Variants in AGBL4 observed in about 807,000 individuals in gnomAD.
The protein encoded by AGBL4 is cytosolic carboxypeptidase 6.
In AGBL4, 58 loss-of-function variants were observed where a neutral mutation model predicts 66.4. That is an observed-to-expected ratio of 0.87 (90% CI 0.71 to 1.09). AGBL4 has a LOEUF of 1.09. Ranked by LOEUF, AGBL4 falls within the 50% of genes least tolerant of loss-of-function variation. AGBL4 has a pLI of 0.00. For missense variants in AGBL4, 579 were observed against 631.0 expected (o/e 0.92, Z 0.88); for synonymous variants, 234 against 222.9 (o/e 1.05, Z -0.44).
At chr1:49,132,075 T>A (rs1248367589) in intron 4 of AGBL4, among the ~76,000 whole-genome samples, 12 of 152,228 alleles carry the variant, frequency 7.9e-5, no homozygotes, top group Admixed American at 7.9e-4. Flanking sequence ...TGCAGAACAT[T>A]AATATTTAGA....
chr1:49,420,700 C>CA lies in AGBL4; in HGVS notation c.283-174837dup, dbSNP rs34864072. The stretch of plus-strand genomic sequence containing the variant: ...TGGGTGACTGAGCGAGACTCCGTCT[C>CA]AAAAAAAAAAAAAAAAGTGCTCTGT... On this transcript the variant is annotated intron_variant, in intron 3 of 13. Transcript: ENST00000371839. Among the ~76,000 whole-genome samples the CA allele has an allele frequency of 6.5e-3, 808 of 124,538 alleles. 4 individuals carry two copies. Among genetic ancestry groups the CA allele is most frequent in the African/African-American group, 0.02 (636 of 32,294 alleles). 81.7% of individuals were successfully genotyped at this position (124,538 alleles called of 152,430 possible).
intron 11 of AGBL4, among the ~76,000 whole-genome samples, chr1:48,568,291 TTCTCTCTC>T (rs151060894): frequency 2.7e-5 from 4 of 148,332 alleles, no homozygotes; most frequent in Admixed American, 6.7e-5. Context: ...AACAACACTC[TTCTCTCTC>T]TCTCTCTCTC....
At chr1:48,607,365 C>A (rs1569982421) in intron 9 of AGBL4, among the ~76,000 whole-genome samples, 1 of 152,062 alleles carries the variant, frequency 6.6e-6, no homozygotes, top group South Asian at 2.1e-4. Flanking sequence ...CTCCTGTAAT[C>A]CCAGCACTTT....
intron 3 of AGBL4, among the ~76,000 whole-genome samples, chr1:49,328,208 T>TA (rs1174590436): frequency 2.0e-5 from 3 of 151,958 alleles, no homozygotes; most frequent in Admixed American, 6.6e-5. Context: ...TGATTAAAAA[T>TA]AAAAAAAGGC....
intron 5 of AGBL4, among the ~76,000 whole-genome samples, chr1:49,033,509 G>A (rs1003154578): frequency 5.3e-5 from 8 of 152,216 alleles, no homozygotes; most frequent in South Asian, 4.1e-4. Context: ...TGAAGTTACC[G>A]TGCTGGTCAG....
At chr1:49,514,612 C>T (rs1364721634) in intron 3 of AGBL4, among the ~76,000 whole-genome samples, 1 of 152,104 alleles carries the variant, frequency 6.6e-6, no homozygotes, top group Non-Finnish European at 1.5e-5. Context: ...AAGCTGGAGG[C>T]ATCACGCTAC....
At chr1:48,535,848 A>G (rs1014026870) in intron 12 of AGBL4, among the ~76,000 whole-genome samples, 1 of 152,072 alleles carries the variant, frequency 6.6e-6, no homozygotes, top group East Asian at 1.9e-4. Flanking sequence ...TTTAGTGTGA[A>G]GGGGTTGAAG....
At chr1:49,156,541 G>A (rs1193099881) in intron 4 of AGBL4, among the ~76,000 whole-genome samples, 1 of 152,050 alleles carries the variant, frequency 6.6e-6, no homozygotes, top group Non-Finnish European at 1.5e-5. Flanking sequence ...AACTTTACTG[G>A]AGCTAGAGGA....
chr1:48,754,732 T>C (rs1452802187), intron 6 of AGBL4, among the ~76,000 whole-genome samples: 1 of 152,146 alleles, frequency 6.6e-6, no homozygotes, highest in Non-Finnish European at 1.5e-5. Context: ...TTGTTTACCA[T>C]GCTAAGATCA....
chr1:48,557,412 C>T (rs1406106977), intron 11 of AGBL4, among the ~76,000 whole-genome samples: 1 of 152,088 alleles, frequency 6.6e-6, no homozygotes, highest in Admixed American at 6.5e-5. Context: ...AAATGTCACA[C>T]ACTCCAGAAG....
chr1:48,550,289 T>C (rs551465168), intron 11 of AGBL4, among the ~76,000 whole-genome samples: 56 of 151,690 alleles, frequency 3.7e-4, no homozygotes, highest in Admixed American at 7.9e-4. Context: ...GGCCAAAATC[T>C]AGGTGTCACA....
At chr1:49,667,227 G>C (rs1646388386) in intron 3 of AGBL4, among the ~76,000 whole-genome samples, 1 of 152,062 alleles carries the variant, frequency 6.6e-6, no homozygotes, top group South Asian at 2.1e-4. Flanking sequence ...GGAAGGCCAA[G>C]GCAGGTAGAT....
intron 4 of AGBL4, among the ~76,000 whole-genome samples, chr1:49,049,192 G>A (rs569535196): frequency 6.6e-6 from 1 of 151,940 alleles, no homozygotes; most frequent in Admixed American, 6.6e-5. Flanking sequence ...TTTTGTGCTC[G>A]ATCTTTCCTC....
At chr1:48,613,286 C>T (rs927333983) in intron 9 of AGBL4, among the ~76,000 whole-genome samples, 1 of 152,118 alleles carries the variant, frequency 6.6e-6, no homozygotes, top group Non-Finnish European at 1.5e-5. Context: ...GGAATTTGAA[C>T]TTAGATATAT....
At chr1:49,853,161 GAC>G (rs1169252695) in intron 1 of AGBL4, among the ~76,000 whole-genome samples, 110 of 152,114 alleles carry the variant, frequency 7.2e-4, no homozygotes, top group African/African-American at 2.6e-3. Context: ...CGCAGGACCA[GAC>G]ACAGAAATGA....
At chr1:49,922,811 A>G (rs1218534860) in intron 1 of AGBL4, among the ~76,000 whole-genome samples, 1 of 152,204 alleles carries the variant, frequency 6.6e-6, no homozygotes, top group Non-Finnish European at 1.5e-5. Flanking sequence ...AAGAAATTAG[A>G]GATGACACAC....
intron 2 of AGBL4, among the ~76,000 whole-genome samples, chr1:49,713,689 C>CA (rs1374896186): frequency 2.6e-5 from 4 of 151,536 alleles, no homozygotes; most frequent in African/African-American, 9.7e-5. Context: ...GACTTTCAAG[C>CA]AAAAAAGAAA....
At chr1:49,860,773 AAAAAAAC>A (rs1553135703) in intron 1 of AGBL4, among the ~76,000 whole-genome samples, 166 of 150,618 alleles carry the variant, frequency 1.1e-3, no homozygotes, top group Admixed American at 1.8e-3. Flanking sequence ...CCCAGCAAAA[AAAAAAAC>A]AAAAAACAAA....
chr1:49,276,462 G>T (rs1017211388), intron 3 of AGBL4, among the ~76,000 whole-genome samples: 1 of 152,086 alleles, frequency 6.6e-6, no homozygotes, highest in Non-Finnish European at 1.5e-5. Flanking sequence ...TGAGATGGCT[G>T]TTCAGAGACC....
Sources: gnomAD v4.1 joint callset for allele counts (sites outside exome capture counted in the v4.1 genomes callset) on GRCh38, gnomAD v4.1.1 for gene constraint, MANE v1.5 for transcripts, NCBI Gene and HGNC (gene_info 2026-07-23, HGNC 2026-07-21) for gene names.